The following ABI1 variants were observed in gnomAD, a reference collection of about 807,000 sequenced individuals.
ABI1 encodes Abelson interactor 1.
ABI1 carries 14 observed loss-of-function variants against 54.6 expected under a neutral mutation model. The observed-to-expected ratio is 0.26, with a 90% CI of 0.17 to 0.40. ABI1 has a LOEUF of 0.40. ABI1 is among the 10% of genes least tolerant of loss of function. The pLI is 1.00. For missense variants in ABI1, 443 were observed against 598.3 expected, an observed-to-expected ratio of 0.74 and a Z score of 2.71; for synonymous variants, 194 against 209.3, an observed-to-expected ratio of 0.93 and a Z score of 0.63.
intron 2 of ABI1, among the ~76,000 whole-genome samples, chr10:26,791,161 G>A (rs1445066362): frequency 6.7e-6 from 1 of 148,758 alleles, no homozygotes; most frequent in African/African-American, 2.5e-5. Flanking sequence ...ATCATATCAA[G>A]AGTTGTGAGA....
chr10:26,792,025 A>G (rs1187713587), intron 2 of ABI1, among the ~76,000 whole-genome samples: 1 of 152,214 alleles, frequency 6.6e-6, no homozygotes, highest in Admixed American at 6.5e-5. Flanking sequence ...TACAGGATGA[A>G]TCCATTGTTA....
intron 2 of ABI1, chr10:26,790,765 G>A (rs987457337): frequency 6.6e-6 from 1 of 152,148 alleles, no homozygotes; most frequent in Non-Finnish European, 1.5e-5. Flanking sequence ...TAATGCAAGA[G>A]GCATAATACA....
intron 2 of ABI1, among the ~76,000 whole-genome samples, chr10:26,781,603 A>C (rs2132994325): frequency 6.6e-6 from 1 of 152,372 alleles, no homozygotes; most frequent in East Asian, 1.9e-4. Context: ...ACATTCTCAC[A>C]GATCTGGCCA....
intron 2 of ABI1, among the ~76,000 whole-genome samples, chr10:26,820,926 G>T (rs2133763731): frequency 6.6e-6 from 1 of 152,172 alleles, no homozygotes; most frequent in South Asian, 2.1e-4. Context: ...TAAATTAAAT[G>T]ACCTTGGCTT....
At chr10:26,759,954 G>C (rs1838901221) in intron 7 of ABI1, among the ~76,000 whole-genome samples, 1 of 151,604 alleles carries the variant, frequency 6.6e-6, no homozygotes, top group Non-Finnish European at 1.5e-5. Context: ...TTTTATAACT[G>C]ACAGAAGCAG....
chr10:26,793,082 G>A (rs1384379766), intron 2 of ABI1, among the ~76,000 whole-genome samples: 1 of 152,134 alleles, frequency 6.6e-6, no homozygotes, highest in East Asian at 1.9e-4. Context: ...GGGCATTATA[G>A]GTTTTAAGCA....
At chr10:26,753,836 T>C (rs1034903176) in intron 9 of ABI1, among the ~76,000 whole-genome samples, 2 of 152,226 alleles carry the variant, frequency 1.3e-5, no homozygotes, top group Admixed American at 1.3e-4. Context: ...CAAGTTCATA[T>C]GTTTGGTAAA....
chr10:26,760,620 T>C (rs1407077116), intron 7 of ABI1, among the ~76,000 whole-genome samples: 2 of 152,194 alleles, frequency 1.3e-5, no homozygotes, highest in East Asian at 3.9e-4. Context: ...CCAGGTGCAG[T>C]GGCTCATGCC....
intron 1 of ABI1, among the ~76,000 whole-genome samples, chr10:26,856,761 T>C (rs1343066612): frequency 1.3e-5 from 2 of 152,212 alleles, no homozygotes; most frequent in South Asian, 2.1e-4. Context: ...TGAAGACTTT[T>C]CTGTCCTTAC....
At chr10:26,763,899 G>C in intron 7 of ABI1, 1 of 1,613,154 alleles carries the variant, frequency 6.2e-7, no homozygotes. Flanking sequence ...TGCTCACTGG[G>C]AGAAGTGGTG....
At chr10:26,852,380 G>C (rs141494664) in intron 1 of ABI1, among the ~76,000 whole-genome samples, 71 of 152,194 alleles carry the variant, frequency 4.7e-4, no homozygotes, top group Non-Finnish European at 7.8e-4. Flanking sequence ...TCAGGATGCC[G>C]AGGCAGGAGA....
At chr10:26,755,373 T>G (rs561744722) in intron 9 of ABI1, among the ~76,000 whole-genome samples, 2 of 152,342 alleles carry the variant, frequency 1.3e-5, no homozygotes, top group East Asian at 3.9e-4. Context: ...ATTTTTGTGT[T>G]TGATTATTCT....
intron 2 of ABI1, among the ~76,000 whole-genome samples, chr10:26,794,782 T>G (rs1843918522): frequency 6.6e-6 from 1 of 152,136 alleles, no homozygotes; most frequent in African/African-American, 2.4e-5. Context: ...TACCTGATGA[T>G]ATGAAACTAG....
intron 2 of ABI1, among the ~76,000 whole-genome samples, chr10:26,802,273 C>T (rs2133387190): frequency 6.6e-6 from 1 of 152,266 alleles, no homozygotes; most frequent in South Asian, 2.1e-4. Context: ...AGGATTTTTT[C>T]CCTTGTAGTC....
rs2132364250 is a variant in ABI1 at position 26,748,511 on chromosome 10, C to CATA, written c.*56_*58dup. ...AACATATTAAGACAGTTCTGTTAAC[C>CATA]ATAATAGTCCCACAGTATGACTGAG... is the stretch of plus-strand genomic sequence containing the variant. On this transcript the variant is annotated 3_prime_UTR_variant, in exon 11 of 11. Coordinates refer to ENST00000376140, the MANE Select transcript of ABI1 (RefSeq NM_001012750.3). 1 of 1,302,600 alleles carries CATA rather than the reference C, an allele frequency of 7.7e-7. No homozygotes were observed. The highest frequency in any genetic ancestry group is 2.4e-5 in the East Asian group (1 of 42,192). 80.7% of individuals were successfully genotyped at this position (1,302,600 alleles called of 1,614,324 possible).
At chr10:26,758,575 T>A (rs1193928583) in intron 8 of ABI1, among the ~76,000 whole-genome samples, 1 of 152,206 alleles carries the variant, frequency 6.6e-6, no homozygotes, top group Non-Finnish European at 1.5e-5. Flanking sequence ...TAAGCAGGCA[T>A]CACAAACAGT....
At position 26,829,257 on chromosome 10, in the gene ABI1, A is replaced by G. The variant is rs561358744; in HGVS notation, c.118-5952T>C. Among the ~76,000 whole-genome samples the G allele has an allele frequency of 4.6e-5, 7 of 151,982 alleles. No homozygotes were observed. In the South Asian group the frequency reaches 1.5e-3, roughly 32 times the overall value. The stretch of plus-strand genomic sequence containing the variant: ...AAAAAAAAAGCACCAGTTTAAACCT[A>G]AAATGTATTTATCACATCATAATAT... On this transcript the variant is annotated intron_variant, in intron 1 of 10. Transcript: ENST00000376140.
chr10:26,817,689 T>G (rs1299826347), intron 2 of ABI1, among the ~76,000 whole-genome samples: 2 of 152,192 alleles, frequency 1.3e-5, no homozygotes, highest in Admixed American at 6.5e-5. Context: ...TTAAAAATGG[T>G]TGAATGATCA....
rs1842806682 is a variant in ABI1, at chr10:26,787,020, A to G, written c.286-9779T>C. On this transcript the variant is annotated intron_variant, in intron 2 of 10. Coordinates refer to ENST00000376140, the MANE Select transcript of ABI1 (RefSeq NM_001012750.3). ...ATTGGTTTATGTAAGTCAGACATCT[A>G]GCATTTACTTCATGTTTAATTTTAC... Among the ~76,000 whole-genome samples, 3 of 152,218 alleles carry G rather than the reference A, an allele frequency of 2.0e-5. No homozygotes were observed. In the South Asian group the frequency reaches 6.2e-4, roughly 31 times the overall value.
Sources: allele counts gnomAD v4.1 joint callset (sites outside exome capture counted in the v4.1 genomes callset), GRCh38; gene constraint gnomAD v4.1.1; transcripts MANE v1.5; gene names NCBI Gene and HGNC (gene_info 2026-07-23, HGNC 2026-07-21).